PRDM16: variants seen among roughly 807,000 people sequenced by gnomAD.
PRDM16 encodes the protein PR/SET domain 16.
PRDM16 carries 23 observed loss-of-function variants against 110.6 expected under a neutral mutation model. The ratio of observed to expected loss-of-function variants is 0.21; its 90% CI spans 0.15 to 0.29. The LOEUF (loss-of-function observed/expected upper bound fraction) is 0.29. Ranked by LOEUF, PRDM16 falls within the 10% of genes least tolerant of loss-of-function variation. The probability of loss-of-function intolerance (pLI) is 1.00; values close to 1 mark genes in which losing one functional copy is unlikely to be tolerated. For missense variants in PRDM16, 1,615 were observed against 1,794.3 expected, an observed-to-expected ratio of 0.90 and a Z score of 1.81; for synonymous variants, 799 against 781.8, an observed-to-expected ratio of 1.02 and a Z score of -0.37.
intron 1 of PRDM16, among the ~76,000 whole-genome samples, chr1:3,178,500 T>C (rs1243982049): frequency 1.3e-5 from 2 of 152,230 alleles, no homozygotes; most frequent in South Asian, 4.1e-4. Context: ...CCGGGGCTCC[T>C]GGAGGCTGCC....
chr1:3,275,110 G>A lies in PRDM16; in HGVS notation c.438+30973G>A, dbSNP rs75375178. On this transcript the variant is annotated intron_variant, in intron 3 of 16. Transcript: ENST00000270722. ...GCCATTCTGGACGCTTAGGTGAAAT[G>A]TGCCGCCAGGCACTGGGAGCAGGAG... 1.8e-3 allele frequency among the ~76,000 whole-genome samples: 277 copies of A among 152,374 alleles called. 4 individuals carry two copies. The highest frequency in any genetic ancestry group is 6.2e-3 in the African/African-American group (259 of 41,596).
At chr1:3,215,472 C>T (rs759285331) in intron 2 of PRDM16, among the ~76,000 whole-genome samples, 3 of 87,584 alleles carry the variant, frequency 3.4e-5, no homozygotes, top group African/African-American at 1.1e-4. Flanking sequence ...TGGGTGGAGG[C>T]GGGAGAGAGT....
At position 3,437,947 on chromosome 1, in the gene PRDM16, C is replaced by T. The variant is rs35169740; in HGVS notation, c.*4136C>T. ...GTATATGGACTTTGTCCCTTAAGGT[C>T]GATATAAAGAATCCTCGCAGAATCA... On this transcript the variant is annotated 3_prime_UTR_variant, in exon 17 of 17. Coordinates refer to ENST00000270722, the MANE Select transcript of PRDM16 (RefSeq NM_022114.4). 7.2e-3 allele frequency: 1,573 copies of T among 219,560 alleles called. 13 individuals are homozygous for T. The highest frequency in any genetic ancestry group is 9.9e-3 in the Non-Finnish European group (1,080 of 109,332). 13.6% of individuals were successfully genotyped at this position (219,560 alleles called of 1,614,324 possible). A position where few individuals can be genotyped will look rare whatever the true frequency, so the allele number is the denominator to read the frequency against.
intron 1 of PRDM16, among the ~76,000 whole-genome samples, chr1:3,170,354 G>A (rs918335216): frequency 1.3e-5 from 2 of 152,192 alleles, no homozygotes; most frequent in South Asian, 4.1e-4. Context: ...CTCTGGACCT[G>A]AGGGTGATGG....
At chr1:3,285,087 C>T (rs1391638051) in intron 3 of PRDM16, among the ~76,000 whole-genome samples, 1 of 151,602 alleles carries the variant, frequency 6.6e-6, no homozygotes, top group Admixed American at 6.5e-5. Context: ...CACTCTCTGG[C>T]CCCCCCAAGT....
In PRDM16 at chr1:3,113,701, C is replaced by G. The variant is rs146942423; in HGVS notation, c.37+44405C>G. Among the ~76,000 whole-genome samples, 645 of 152,338 alleles carry G rather than the reference C, an allele frequency of 4.2e-3. 5 individuals carry two copies. Among genetic ancestry groups the G allele is most frequent in the Middle Eastern group, 0.014 (4 of 294 alleles). On this transcript the variant is annotated intron_variant, in intron 1 of 16. Transcript: ENST00000270722. ...AGACCAGGGTGGCTCCCCCTCAGAGCTGACCACCAAACACATCCCCAGACA... is the reference window on the plus strand; with the variant it reads ...AGACCAGGGTGGCTCCCCCTCAGAGGTGACCACCAAACACATCCCCAGACA...
At chr1:3,428,382 C>T (rs1239395371) in intron 14 of PRDM16, among the ~76,000 whole-genome samples, 1 of 152,172 alleles carries the variant, frequency 6.6e-6, no homozygotes, top group East Asian at 1.9e-4. Flanking sequence ...CCGGGCCTCC[C>T]CCTCGCCTAT....
intron 1 of PRDM16, among the ~76,000 whole-genome samples, chr1:3,112,064 GA>G (rs1642808501): frequency 6.6e-6 from 1 of 152,204 alleles, no homozygotes; most frequent in Non-Finnish European, 1.5e-5. Context: ...GAAGTAAACA[GA>G]AAAGACTTTA....
intron 4 of PRDM16, among the ~76,000 whole-genome samples, chr1:3,389,896 G>C (rs539653426): frequency 1.2e-4 from 18 of 152,092 alleles, no homozygotes; most frequent in South Asian, 2.1e-4. Context: ...CCGAGCATGA[G>C]CGGAAGGCAC....
At chr1:3,169,792 C>G (rs1021470863) in intron 1 of PRDM16, among the ~76,000 whole-genome samples, 1 of 152,196 alleles carries the variant, frequency 6.6e-6, no homozygotes. Flanking sequence ...GCCCCTGGTT[C>G]CCCCCGAGCC....
chr1:3,147,571 G>A (rs893480306), intron 1 of PRDM16, among the ~76,000 whole-genome samples: 4 of 152,146 alleles, frequency 2.6e-5, no homozygotes, highest in African/African-American at 7.2e-5. Flanking sequence ...TCATTGCCCT[G>A]CATGGTCTTT....
chr1:3,426,867 A>G (rs1638622679), intron 14 of PRDM16, among the ~76,000 whole-genome samples: 2 of 152,162 alleles, frequency 1.3e-5, no homozygotes. Flanking sequence ...GGGCATGGGC[A>G]GTCCAGGAAC....
chr1:3,314,073 G>GGGGGT (rs200657926), intron 3 of PRDM16, among the ~76,000 whole-genome samples: 13,165 of 141,796 alleles, frequency 0.093, 1,689 homozygotes, highest in African/African-American at 0.14. Flanking sequence ...TTCCCCACCG[G>GGGGGT]GGGGGGGGGC....
At chr1:3,304,527 C>T (rs960650669) in intron 3 of PRDM16, among the ~76,000 whole-genome samples, 1 of 152,194 alleles carries the variant, frequency 6.6e-6, no homozygotes, top group Non-Finnish European at 1.5e-5. Flanking sequence ...CCTGTCCACA[C>T]GAGGAGCACA....
intron 2 of PRDM16, among the ~76,000 whole-genome samples, chr1:3,223,799 G>A (rs910245087): frequency 9.2e-5 from 14 of 152,104 alleles, no homozygotes; most frequent in East Asian, 3.9e-4. Context: ...AGCGAGAACC[G>A]GGAATAACCA....
intron 1 of PRDM16, among the ~76,000 whole-genome samples, chr1:3,169,845 G>A (rs547990961): frequency 2.5e-4 from 38 of 152,336 alleles, no homozygotes; most frequent in South Asian, 4.1e-4. Context: ...GGCCACGCTC[G>A]GGTCAGCGGC....
intron 2 of PRDM16, among the ~76,000 whole-genome samples, chr1:3,193,440 G>A (rs543268883): frequency 1.1e-3 from 168 of 152,344 alleles, no homozygotes; most frequent in African/African-American, 3.9e-3. Flanking sequence ...AGAAGTGTTT[G>A]ACATAGCTCT....
chr1:3,078,821 G>A (rs984170342), intron 1 of PRDM16, among the ~76,000 whole-genome samples: 3 of 152,220 alleles, frequency 2.0e-5, no homozygotes, highest in African/African-American at 7.2e-5. Flanking sequence ...CGGTATTACA[G>A]CAACTATGGA....
At chr1:3,406,633 T>G (rs2483223) in intron 8 of PRDM16, among the ~76,000 whole-genome samples, 45,235 of 151,844 alleles carry the variant, frequency 0.3, 7,520 homozygotes, top group Middle Eastern at 0.44. Flanking sequence ...TCCCAGCTGC[T>G]CAGGGGGCTA....
Sources: gnomAD v4.1 joint callset for allele counts (sites outside exome capture counted in the v4.1 genomes callset) on GRCh38, gnomAD v4.1.1 for gene constraint, MANE v1.5 for transcripts, NCBI Gene and HGNC (gene_info 2026-07-23, HGNC 2026-07-21) for gene names.